MICU1: variants seen among roughly 807,000 people sequenced by gnomAD.
MICU1 encodes mitochondrial calcium uptake 1, also known as calcium uptake protein 1, mitochondrial.
Under a neutral mutation model 56.8 loss-of-function variants are expected in MICU1, and 45 were observed. The observed-to-expected ratio is 0.79, with a 90% CI of 0.62 to 1.02. The LOEUF is 1.02. Among genes scored for constraint, MICU1 ranks in the 50% least tolerant of loss-of-function variants. The pLI is 0.00. For missense variants in MICU1, 504 were observed against 587.1 expected (o/e 0.86, Z 1.46); for synonymous variants, 186 against 195.1 (o/e 0.95, Z 0.39).
At chr10:72,485,987 A>G (rs1866462305) in intron 6 of MICU1, among the ~76,000 whole-genome samples, 1 of 152,114 alleles carries the variant, frequency 6.6e-6, no homozygotes, top group Admixed American at 6.6e-5. Context: ...GAAAAACCCA[A>G]TAAATAAATT....
At chr10:72,583,444 C>T (rs1454508581) in intron 1 of MICU1, among the ~76,000 whole-genome samples, 2 of 152,088 alleles carry the variant, frequency 1.3e-5, no homozygotes, top group East Asian at 3.9e-4. Flanking sequence ...CCACACCTGG[C>T]TAATTTTTGT....
chr10:72,421,002 C>CAAAA (rs34221911), intron 9 of MICU1, among the ~76,000 whole-genome samples: 17 of 108,620 alleles, frequency 1.6e-4, no homozygotes, highest in African/African-American at 6.3e-4. Flanking sequence ...AACTCCGTCT[C>CAAAA]AAAAAAAAAA....
intron 10 of MICU1, among the ~76,000 whole-genome samples, chr10:72,399,188 C>T (rs559216721): frequency 1.3e-5 from 2 of 152,214 alleles, no homozygotes; most frequent in African/African-American, 4.8e-5. Context: ...TGGAAACCAT[C>T]ATTCTGAGCA....
chr10:72,460,997 C>T lies in MICU1; in HGVS notation c.933+14103G>A, dbSNP rs1425513209. ...AGAGGGATAAAAATGAAAAGACCTA[C>T]TCAGACACCGTGGACATCATTTTGT... is the stretch of plus-strand genomic sequence containing the variant. On this transcript the variant is annotated intron_variant, in intron 8 of 11. Transcript: ENST00000361114. Among the ~76,000 whole-genome samples, 6 of 152,216 alleles carry T rather than the reference C, an allele frequency of 3.9e-5. No individual in the cohort carries two copies. The East Asian group carries it at 7.7e-4, about 20-fold the overall frequency.
intron 1 of MICU1, among the ~76,000 whole-genome samples, chr10:72,588,127 G>C (rs903930322): frequency 2.0e-5 from 3 of 152,130 alleles, no homozygotes; most frequent in Non-Finnish European, 2.9e-5. Context: ...GTTCTCATGA[G>C]ATCTGGCTGT....
At chr10:72,591,417 A>G (rs915169136) in intron 1 of MICU1, among the ~76,000 whole-genome samples, 5 of 152,066 alleles carry the variant, frequency 3.3e-5, no homozygotes, top group African/African-American at 1.2e-4. Flanking sequence ...AAAATAGAGA[A>G]AAATCAGTAA....
At chr10:72,574,563 A>G (rs569165883) in intron 1 of MICU1, among the ~76,000 whole-genome samples, 1 of 152,266 alleles carries the variant, frequency 6.6e-6, no homozygotes, top group African/African-American at 2.4e-5. Context: ...GGAAATAATG[A>G]GATAATAATG....
intron 1 of MICU1, among the ~76,000 whole-genome samples, chr10:72,616,535 C>T (rs971901020): frequency 1.3e-5 from 2 of 149,330 alleles, no homozygotes; most frequent in South Asian, 2.1e-4. Context: ...TGTGGTGAGC[C>T]GAGGTCACAC....
rs1867861000 is a variant in MICU1 at position 72,522,781 on chromosome 10, T to C, written c.537+10965A>G. Among the ~76,000 whole-genome samples, 5 of 152,190 alleles carry C rather than the reference T, an allele frequency of 3.3e-5. No homozygotes were observed. In the South Asian group the frequency reaches 1.0e-3, roughly 32 times the overall value. On this transcript the variant is annotated intron_variant, in intron 5 of 11. Transcript: ENST00000361114. The stretch of plus-strand genomic sequence containing the variant: ...AGAAGCAAGCAAGAAATGCCTCTTC[T>C]ACAAAGTAACTGTTCATTGACCTTT...
At chr10:72,397,028 G>C (rs369901743) in intron 10 of MICU1, among the ~76,000 whole-genome samples, 6 of 152,282 alleles carry the variant, frequency 3.9e-5, no homozygotes, top group Admixed American at 1.3e-4. Flanking sequence ...AAGAGCAGCA[G>C]AGAGAAAGGT....
intron 6 of MICU1, among the ~76,000 whole-genome samples, chr10:72,506,207 T>C (rs918650808): frequency 2.6e-5 from 4 of 152,140 alleles, no homozygotes; most frequent in Non-Finnish European, 5.9e-5. Context: ...CCAAGGGTCA[T>C]TGTGACTTTT....
chr10:72,570,420 T>G (rs529152082), intron 1 of MICU1, among the ~76,000 whole-genome samples: 2 of 152,346 alleles, frequency 1.3e-5, no homozygotes, highest in South Asian at 4.1e-4. Flanking sequence ...CATTTTACTT[T>G]CACATGTCTG....
intron 10 of MICU1, among the ~76,000 whole-genome samples, chr10:72,389,932 A>G (rs1863013855): frequency 6.6e-6 from 1 of 152,218 alleles, no homozygotes; most frequent in Non-Finnish European, 1.5e-5. Context: ...TCATAGATCT[A>G]ATTTTATGCC....
chr10:72,392,254 A>T (rs1218574758), intron 10 of MICU1, among the ~76,000 whole-genome samples: 3 of 152,136 alleles, frequency 2.0e-5, no homozygotes, highest in Non-Finnish European at 4.4e-5. Context: ...ATACCAAGGG[A>T]CAACTATTTT....
intron 8 of MICU1, among the ~76,000 whole-genome samples, chr10:72,440,943 C>T (rs1398206864): frequency 1.3e-5 from 2 of 152,182 alleles, no homozygotes; most frequent in South Asian, 4.1e-4. Flanking sequence ...CACTTTTACA[C>T]TGTTGGTGGG....
chr10:72,585,769 ATC>A (rs1287177051), intron 1 of MICU1, among the ~76,000 whole-genome samples: 4 of 152,086 alleles, frequency 2.6e-5, no homozygotes, highest in Admixed American at 2.6e-4. Flanking sequence ...ATCCCTCAGT[ATC>A]TGCAAGGGAT....
At chr10:72,429,450 T>C (rs1266401491) in intron 8 of MICU1, among the ~76,000 whole-genome samples, 1 of 148,576 alleles carries the variant, frequency 6.7e-6, no homozygotes, top group Admixed American at 6.7e-5. Context: ...AAAAATTCAA[T>C]AAATGTAGCA....
At chr10:72,608,042 T>C (rs578232592) in intron 1 of MICU1, among the ~76,000 whole-genome samples, 1 of 152,266 alleles carries the variant, frequency 6.6e-6, no homozygotes, top group East Asian at 1.9e-4. Context: ...TTACACAGAT[T>C]GTTTTTTCCT....
intron 8 of MICU1, among the ~76,000 whole-genome samples, chr10:72,452,158 G>A (rs1173920161): frequency 2.0e-5 from 3 of 152,124 alleles, no homozygotes; most frequent in East Asian, 1.9e-4. Flanking sequence ...ATGAGCCACC[G>A]CACCTGGCCA....
Sources: gnomAD v4.1 joint callset for allele counts (sites outside exome capture counted in the v4.1 genomes callset) on GRCh38, gnomAD v4.1.1 for gene constraint, MANE v1.5 for transcripts, NCBI Gene and HGNC (gene_info 2026-07-23, HGNC 2026-07-21) for gene names.